ZNF423: variants seen among roughly 807,000 people sequenced by gnomAD.
The protein encoded by ZNF423 is zinc finger protein 423.
ZNF423 carries 12 observed loss-of-function variants against 95.8 expected under a neutral mutation model. The ratio of observed to expected loss-of-function variants is 0.13; its 90% CI spans 0.08 to 0.20. ZNF423 has a LOEUF of 0.20. Among genes scored for constraint, ZNF423 ranks in the 10% least tolerant of loss-of-function variants. The pLI is 1.00. For missense variants in ZNF423, 1,316 were observed against 1,737.1 expected (o/e 0.76, Z 4.31); for synonymous variants, 749 against 711.9 (o/e 1.05, Z -0.83).
rs189212901 is a variant in ZNF423, at chr16:49,534,840, C to A, written c.3602-9346G>T. 2.3e-3 allele frequency among the ~76,000 whole-genome samples: 350 copies of A among 152,304 alleles called. 2 individuals are homozygous for A. The highest frequency in any genetic ancestry group is 7.9e-3 in the African/African-American group (328 of 41,554). On this transcript the variant is annotated intron_variant, in intron 5 of 7. Coordinates refer to ENST00000563137, the MANE Select transcript of ZNF423 (RefSeq NM_001379286.1). Reference sequence around the variant, plus strand: ...TCCTCCTCTACCTCCACACCACTCCCATATTTGCGATGGCGAAACTCGTGT... The same window carrying A: ...TCCTCCTCTACCTCCACACCACTCCAATATTTGCGATGGCGAAACTCGTGT...
At chr16:49,624,738 G>A (rs1972201288) in intron 5 of ZNF423, among the ~76,000 whole-genome samples, 1 of 152,190 alleles carries the variant, frequency 6.6e-6, no homozygotes, top group South Asian at 2.1e-4. Flanking sequence ...AGTGAAAGAT[G>A]TCAGGTGCAA....
Position 49,491,128 on chromosome 16 carries a change from T to C in ZNF423, c.*147A>G. ...GCCATTAATATTCATTTCCAGCTGC[T>C]TATAATAGCAGCGCCTCATGGCCAA... On this transcript the variant is annotated 3_prime_UTR_variant, in exon 8 of 8. Coordinates refer to ENST00000563137, the MANE Select transcript of ZNF423 (RefSeq NM_001379286.1). 4 of 880,010 alleles carry C rather than the reference T, an allele frequency of 4.5e-6. No individual in the cohort carries two copies. Among genetic ancestry groups the C allele is most frequent in the Non-Finnish European group, 5.7e-6 (3 of 528,972 alleles). 54.5% of individuals were successfully genotyped at this position (880,010 alleles called of 1,614,324 possible). A position where few individuals can be genotyped will look rare whatever the true frequency, so the allele number is the denominator to read the frequency against.
At chr16:49,810,408 A>G (rs1005821253) in intron 1 of ZNF423, among the ~76,000 whole-genome samples, 1 of 151,938 alleles carries the variant, frequency 6.6e-6, no homozygotes, top group Admixed American at 6.6e-5. Context: ...GGAGGCCCCC[A>G]CCAGACCTCT....
At chr16:49,827,381 A>G (rs1301528860) in intron 1 of ZNF423, among the ~76,000 whole-genome samples, 1 of 152,024 alleles carries the variant, frequency 6.6e-6, no homozygotes, top group Non-Finnish European at 1.5e-5. Context: ...TACCAACAAC[A>G]ACAAGCAGAA....
chr16:49,570,791 G>A (rs1166656328), intron 5 of ZNF423, among the ~76,000 whole-genome samples: 8 of 152,248 alleles, frequency 5.3e-5, no homozygotes, highest in African/African-American at 1.9e-4. Context: ...GAAGTGCAAA[G>A]AGAGTCGTGA....
intron 5 of ZNF423, among the ~76,000 whole-genome samples, chr16:49,572,977 T>C (rs1409371024): frequency 1.3e-5 from 2 of 152,056 alleles, no homozygotes; most frequent in African/African-American, 4.8e-5. Context: ...ACATGTAGGC[T>C]CTCCATAAGG....
rs551597829 is a variant in ZNF423 at position 49,709,775 on chromosome 16, G to A, written c.301+20996C>T. On this transcript the variant is annotated intron_variant, in intron 3 of 7. Coordinates refer to ENST00000563137, the MANE Select transcript of ZNF423 (RefSeq NM_001379286.1). Reference sequence around the variant, plus strand: ...TCCCTTTTTGCCCTTGCACCAGAGGGCACATAGAAGTCTCCATCTATGAGG... The same window carrying A: ...TCCCTTTTTGCCCTTGCACCAGAGGACACATAGAAGTCTCCATCTATGAGG... Among the ~76,000 whole-genome samples the A allele has an allele frequency of 1.9e-3, 285 of 152,268 alleles. 1 individual carries two copies. The highest frequency in any genetic ancestry group is 2.0e-3 in the Non-Finnish European group (138 of 68,020).
chr16:49,690,169 G>A (rs1274658760), intron 3 of ZNF423, among the ~76,000 whole-genome samples: 1 of 152,224 alleles, frequency 6.6e-6, no homozygotes, highest in Non-Finnish European at 1.5e-5. Context: ...CGCCATGCAA[G>A]AGAGGCTTCA....
Position 49,636,047 on chromosome 16 carries a change from G to T in ZNF423, c.3129C>A (p.Leu1043=). Residue 1043 remains leucine (L), a synonymous_variant, in exon 4 of 8, where the codon CTC becomes CTA. Coordinates refer to ENST00000563137, the MANE Select transcript of ZNF423 (RefSeq NM_001379286.1). This position sits in a 1 kb window ranked among gnomAD's most constrained non-coding sequence, Gnocchi z 8.6. ...GCATGTGGAAGGTGCCATGGATCTT[G>T]AGCTCAAGCGTGGAAGTGACTGTCT... ...CMQTVTSTLE[L]KIHGTFHMQK... The T allele has an allele frequency of 6.2e-7, 1 of 1,613,070 alleles. No homozygotes were observed. The highest frequency in any genetic ancestry group is 8.5e-7 in the Non-Finnish European group (1 of 1,179,278).
At chr16:49,723,466 T>C (rs375629133) in intron 3 of ZNF423, among the ~76,000 whole-genome samples, 182 of 152,244 alleles carry the variant, frequency 1.2e-3, no homozygotes, top group African/African-American at 4.3e-3. Flanking sequence ...TTTGTAGGAG[T>C]TCCTTACACA....
chr16:49,644,670 A>C (rs926859886), intron 3 of ZNF423, among the ~76,000 whole-genome samples: 6 of 102,922 alleles, frequency 5.8e-5, no homozygotes, highest in South Asian at 7.3e-4. Context: ...AAAAAAAAAA[A>C]AAAAAAAAAA....
chr16:49,536,068 A>T (rs1176850667), intron 5 of ZNF423, among the ~76,000 whole-genome samples: 1 of 152,244 alleles, frequency 6.6e-6, no homozygotes, highest in African/African-American at 2.4e-5. Context: ...AAAATGAGCA[A>T]CAGCAATGTG....
chr16:49,599,847 C>T (rs1179145522), intron 5 of ZNF423, among the ~76,000 whole-genome samples: 1 of 152,148 alleles, frequency 6.6e-6, no homozygotes, highest in Non-Finnish European at 1.5e-5. Context: ...CAGTGATTGC[C>T]TTTGGTAGGG....
chr16:49,503,706 G>A (rs1967524397), intron 7 of ZNF423, among the ~76,000 whole-genome samples: 1 of 152,190 alleles, frequency 6.6e-6, no homozygotes, highest in Admixed American at 6.5e-5. Flanking sequence ...ATGGCCAACT[G>A]CCCCTCATGA....
At chr16:49,617,875 C>G (rs1259600285) in intron 5 of ZNF423, among the ~76,000 whole-genome samples, 1 of 152,182 alleles carries the variant, frequency 6.6e-6, no homozygotes, top group Non-Finnish European at 1.5e-5. Flanking sequence ...AGCCTCCCTC[C>G]CAGTGCACTT....
At chr16:49,620,132 T>TACACACACACACAC (rs56739115) in intron 5 of ZNF423, among the ~76,000 whole-genome samples, 1 of 143,774 alleles carries the variant, frequency 7.0e-6, no homozygotes, top group African/African-American at 2.6e-5. Flanking sequence ...CTCTCTCTTC[T>TACACACACACACAC]ACACACACAC....
chr16:49,737,833 C>G (rs8048073), intron 2 of ZNF423, among the ~76,000 whole-genome samples: 57,171 of 152,132 alleles, frequency 0.38, 11,397 homozygotes, highest in African/African-American at 0.52. Context: ...CTGGCCAGCA[C>G]ACGAATCAGA....
intron 5 of ZNF423, among the ~76,000 whole-genome samples, chr16:49,614,685 G>T (rs1232342186): frequency 6.6e-6 from 1 of 152,216 alleles, no homozygotes; most frequent in East Asian, 1.9e-4. Context: ...AGTTTTGCAA[G>T]ATGTTACTGT....
At chr16:49,604,713 T>C (rs964846326) in intron 5 of ZNF423, among the ~76,000 whole-genome samples, 2 of 152,104 alleles carry the variant, frequency 1.3e-5, no homozygotes, top group Admixed American at 6.5e-5. Context: ...TCATGCAACC[T>C]GAGATCCTTC....
Sources: gnomAD v4.1 joint callset for allele counts (sites outside exome capture counted in the v4.1 genomes callset) on GRCh38, gnomAD v4.1.1 for gene constraint, Gnocchi (gnomAD v3.1) non-coding constraint, MANE v1.5 for transcripts, NCBI Gene and HGNC (gene_info 2026-07-23, HGNC 2026-07-21) for gene names.